TMEM178B: variants seen among roughly 807,000 people sequenced by gnomAD.
TMEM178B encodes the protein transmembrane protein 178B.
Under a neutral mutation model 31.0 loss-of-function variants are expected in TMEM178B, and 5 were observed. The ratio of observed to expected loss-of-function variants is 0.16; its 90% CI spans 0.08 to 0.34. TMEM178B has a LOEUF of 0.34. TMEM178B is among the 10% of genes least tolerant of loss of function. The probability of loss-of-function intolerance (pLI) is 1.00; values close to 1 mark genes in which losing one functional copy is unlikely to be tolerated. For synonymous variants in TMEM178B, 164 were observed against 164.0 expected, an observed-to-expected ratio of 1.00 and a Z score of 0.00; for missense variants, 275 against 400.3, an observed-to-expected ratio of 0.69 and a Z score of 2.67.
At chr7:141,481,641 G>C (rs1466693268), downstream of TMEM178B, among the ~76,000 whole-genome samples, 1 of 152,174 alleles carries the variant, frequency 6.6e-6, no homozygotes, top group African/African-American at 2.4e-5. Flanking sequence ...GGAGGTAACA[G>C]AGACAGTAAA....
chr7:141,418,175 G>C (rs1355111295), intron 2 of TMEM178B, among the ~76,000 whole-genome samples: 1 of 152,096 alleles, frequency 6.6e-6, no homozygotes, highest in Non-Finnish European at 1.5e-5. Context: ...ATAAAAAAGA[G>C]AAGTCCTCCC....
chr7:141,179,787 A>G (rs969473149), intron 1 of TMEM178B, among the ~76,000 whole-genome samples: 1 of 152,188 alleles, frequency 6.6e-6, no homozygotes, highest in South Asian at 2.1e-4. Context: ...GCCCAGGGCC[A>G]GGCTGACCCT....
chr7:141,400,330 C>T (rs1004681412), intron 2 of TMEM178B, among the ~76,000 whole-genome samples: 4 of 152,170 alleles, frequency 2.6e-5, no homozygotes, highest in African/African-American at 9.7e-5. Flanking sequence ...TTCATTTCAC[C>T]CTTCCTTGAA....
At chr7:141,492,832 A>G in the TMEM178B span, among the ~76,000 whole-genome samples, 1 of 151,826 alleles carries the variant, frequency 6.6e-6, no homozygotes, top group Non-Finnish European at 1.5e-5. Flanking sequence ...CATTCAAACC[A>G]CCACCTCCCA....
At position 141,341,021 on chromosome 7, in the gene TMEM178B, T is replaced by C. The variant is rs538385650; in HGVS notation, c.497-96587T>C. 2.0e-5 allele frequency among the ~76,000 whole-genome samples: 3 copies of C among 152,346 alleles called. No homozygotes were observed. In the East Asian group the frequency reaches 5.8e-4, roughly 29 times the overall value. Reference sequence around the variant, plus strand: ...AAAAAAAGTTTGCAGCCAAAAAATATTGAGGGAGCTCAATGCATGGAAATA... The same window carrying C: ...AAAAAAAGTTTGCAGCCAAAAAATACTGAGGGAGCTCAATGCATGGAAATA... On this transcript the variant is annotated intron_variant, in intron 2 of 3. Coordinates refer to ENST00000565468, the MANE Select transcript of TMEM178B (RefSeq NM_001195278.2).
chr7:141,482,245 A>G (rs997379032), downstream of TMEM178B, among the ~76,000 whole-genome samples: 1 of 152,208 alleles, frequency 6.6e-6, no homozygotes, highest in Admixed American at 6.5e-5. Flanking sequence ...CAAGAGCCGT[A>G]ACCAAGCCCT....
At chr7:141,154,044 T>C (rs1049913257) in intron 1 of TMEM178B, among the ~76,000 whole-genome samples, 5 of 152,372 alleles carry the variant, frequency 3.3e-5, no homozygotes, top group Admixed American at 1.3e-4. Context: ...CCTGACACTT[T>C]CTAGGCATTG....
At chr7:141,315,495 CAAA>C (rs75626092) in intron 2 of TMEM178B, among the ~76,000 whole-genome samples, 24,669 of 152,180 alleles carry the variant, frequency 0.16, 2,425 homozygotes, top group Non-Finnish European at 0.22. Flanking sequence ...TTCTCATTTG[CAAA>C]TCTTACCCCT....
At position 141,470,821 on chromosome 7, in the gene TMEM178B, T is replaced by A. The variant is rs1049992001; in HGVS notation, c.*35T>A. On this transcript the variant is annotated 3_prime_UTR_variant, in exon 4 of 4. Coordinates refer to ENST00000565468, the MANE Select transcript of TMEM178B (RefSeq NM_001195278.2). The stretch of plus-strand genomic sequence containing the variant: ...CCATACATACATATATATATATAAA[T>A]ATATATATATAATATACATATATAA... 4.4e-6 allele frequency: 4 copies of A among 907,216 alleles called. No homozygotes were observed. Among genetic ancestry groups the A allele is most frequent in the South Asian group, 5.0e-5 (1 of 19,868 alleles). The allele number at this position is 907,216 out of a possible 1,614,324, so 56.2% of individuals were successfully genotyped here.
chr7:141,133,955 G>A (rs1009345159), intron 1 of TMEM178B, among the ~76,000 whole-genome samples: 5 of 152,224 alleles, frequency 3.3e-5, no homozygotes, highest in African/African-American at 4.8e-5. Context: ...GTTGAAAGAG[G>A]TGGGTGTAAT....
chr7:141,277,672 G>A (rs1220195402), intron 2 of TMEM178B, among the ~76,000 whole-genome samples: 1 of 151,960 alleles, frequency 6.6e-6, no homozygotes, highest in Non-Finnish European at 1.5e-5. Flanking sequence ...TGTCATATAC[G>A]TGGCTCACTG....
At chr7:141,331,240 G>T (rs1322332676) in intron 2 of TMEM178B, among the ~76,000 whole-genome samples, 1 of 152,204 alleles carries the variant, frequency 6.6e-6, no homozygotes, top group African/African-American at 2.4e-5. Context: ...CCATAGAATA[G>T]ATGATAACAC....
intron 1 of TMEM178B, among the ~76,000 whole-genome samples, chr7:141,092,037 T>G (rs1794889604): frequency 1.3e-5 from 2 of 152,184 alleles, no homozygotes; most frequent in South Asian, 4.1e-4. Flanking sequence ...CTAATGTACT[T>G]TAACATGCTA....
At chr7:141,445,877 A>G (rs947321599) in intron 3 of TMEM178B, among the ~76,000 whole-genome samples, 1 of 152,240 alleles carries the variant, frequency 6.6e-6, no homozygotes, top group Non-Finnish European at 1.5e-5. Context: ...AGAACATCAC[A>G]ACTCATCTCT....
intron 2 of TMEM178B, among the ~76,000 whole-genome samples, chr7:141,394,649 C>T (rs1436258073): frequency 6.6e-6 from 1 of 152,210 alleles, no homozygotes; most frequent in Non-Finnish European, 1.5e-5. Flanking sequence ...CCCAGGGATA[C>T]AGTCCCTGAC....
intron 1 of TMEM178B, among the ~76,000 whole-genome samples, chr7:141,187,575 T>C (rs1295765552): frequency 1.2e-3 from 181 of 152,176 alleles, no homozygotes; most frequent in Admixed American, 4.1e-3. Context: ...AAAAGTGTTC[T>C]TATTTCTCCA....
At chr7:141,163,187 C>T (rs532739660) in intron 1 of TMEM178B, among the ~76,000 whole-genome samples, 14 of 152,288 alleles carry the variant, frequency 9.2e-5, no homozygotes, top group East Asian at 1.9e-4. Context: ...TTAGCTAGGG[C>T]GGTTCTTCAT....
At chr7:141,413,011 A>C (rs1348625478) in intron 2 of TMEM178B, among the ~76,000 whole-genome samples, 1 of 152,202 alleles carries the variant, frequency 6.6e-6, no homozygotes, top group Non-Finnish European at 1.5e-5. Context: ...GCTCAGCTTC[A>C]TGATGTCACA....
intron 2 of TMEM178B, among the ~76,000 whole-genome samples, chr7:141,343,619 G>A (rs749124590): frequency 3.5e-5 from 5 of 144,282 alleles, no homozygotes; most frequent in East Asian, 2.1e-4. Flanking sequence ...GTGCAATCTC[G>A]GCTCACTGCA....
Sources: gnomAD v4.1 joint callset for allele counts (sites outside exome capture counted in the v4.1 genomes callset) on GRCh38, gnomAD v4.1.1 for gene constraint, MANE v1.5 for transcripts, NCBI Gene and HGNC (gene_info 2026-07-23, HGNC 2026-07-21) for gene names.